The following RIMS2 variants were observed in gnomAD, a reference collection of about 807,000 sequenced individuals.
RIMS2 encodes the protein regulating synaptic membrane exocytosis 2.
In RIMS2, 59 loss-of-function variants were observed where a neutral mutation model predicts 174.4. The ratio of observed to expected loss-of-function variants is 0.34; its 90% CI spans 0.27 to 0.42. The LOEUF is 0.42. RIMS2 is among the 10% of genes least tolerant of loss of function. The pLI is 1.00. For synonymous variants in RIMS2, 606 were observed against 572.5 expected, an observed-to-expected ratio of 1.06 and a Z score of -0.84; for missense variants, 1,620 against 1,666.3, an observed-to-expected ratio of 0.97 and a Z score of 0.48.
chr8:104,165,509 G>T (rs1000981084), intron 19 of RIMS2, among the ~76,000 whole-genome samples: 1 of 151,522 alleles, frequency 6.6e-6, no homozygotes, highest in Non-Finnish European at 1.5e-5. Context: ...TGGAATATTC[G>T]TGTGTGTCAG....
chr8:104,063,629 T>A (rs1375036545), intron 19 of RIMS2, among the ~76,000 whole-genome samples: 2 of 152,208 alleles, frequency 1.3e-5, no homozygotes, highest in East Asian at 3.8e-4. Context: ...TTTCTAATTT[T>A]CTCCTGAAGT....
intron 1 of RIMS2, among the ~76,000 whole-genome samples, chr8:103,682,721 T>A (rs540489390): frequency 2.3e-4 from 35 of 152,252 alleles, no homozygotes; most frequent in East Asian, 5.8e-4. Flanking sequence ...TAAAATTTTT[T>A]AAAAAAATCT....
At chr8:103,734,823 C>T (rs1310501667) in intron 2 of RIMS2, among the ~76,000 whole-genome samples, 1 of 152,052 alleles carries the variant, frequency 6.6e-6, no homozygotes, top group East Asian at 1.9e-4. Context: ...TTCCCATGAT[C>T]ATCCCTTAGT....
At chr8:104,245,026 G>A (rs1306209889) in exon 20 of RIMS2, 2 of 1,613,854 alleles carry the variant, frequency 1.2e-6, no homozygotes, top group East Asian at 4.5e-5. Context: ...GTCTACAGAT[G>A]GTAGCATGAA....
intron 1 of RIMS2, among the ~76,000 whole-genome samples, chr8:103,691,990 C>G (rs2097031950): frequency 6.6e-6 from 1 of 152,148 alleles, no homozygotes; most frequent in African/African-American, 2.4e-5. Flanking sequence ...TGGAAGAATT[C>G]TCTGGATTGC....
At chr8:104,094,150 C>T (rs1414167328) in intron 19 of RIMS2, among the ~76,000 whole-genome samples, 1 of 151,752 alleles carries the variant, frequency 6.6e-6, no homozygotes, top group African/African-American at 2.4e-5. Flanking sequence ...TCTTACTTGT[C>T]CTATAGATTT....
At chr8:103,645,976 G>C (rs912169821) in intron 1 of RIMS2, among the ~76,000 whole-genome samples, 5 of 152,002 alleles carry the variant, frequency 3.3e-5, no homozygotes, top group Non-Finnish European at 5.9e-5. Context: ...GATACGGGTG[G>C]GGCTGTTTTA....
At chr8:104,208,593 G>T (rs745951166) in intron 19 of RIMS2, among the ~76,000 whole-genome samples, 3 of 151,064 alleles carry the variant, frequency 2.0e-5, no homozygotes, top group Non-Finnish European at 3.0e-5. Context: ...AAAAAATGAA[G>T]AATACTTTCT....
chr8:104,118,826 G>T (rs941015268), intron 19 of RIMS2, among the ~76,000 whole-genome samples: 16 of 152,122 alleles, frequency 1.1e-4, no homozygotes, highest in African/African-American at 3.6e-4. Flanking sequence ...TTTGCAGATG[G>T]CTGTCTTTTC....
chr8:103,827,256 C>G (rs925841526), intron 3 of RIMS2, among the ~76,000 whole-genome samples: 1 of 152,010 alleles, frequency 6.6e-6, no homozygotes, highest in African/African-American at 2.4e-5. Context: ...TTAAAAACTT[C>G]AATATCGAGT....
At chr8:103,714,358 C>T (rs902322135) in intron 2 of RIMS2, among the ~76,000 whole-genome samples, 1 of 152,082 alleles carries the variant, frequency 6.6e-6, no homozygotes, top group African/African-American at 2.4e-5. Context: ...ACTATACAGA[C>T]AGAATTTAAT....
intron 19 of RIMS2, among the ~76,000 whole-genome samples, chr8:104,145,551 C>T (rs999718186): frequency 4.0e-5 from 6 of 151,730 alleles, no homozygotes; most frequent in South Asian, 2.1e-4. Flanking sequence ...TGTGGCTGAG[C>T]GTGGTGGCTC....
rs200408676 is a variant in RIMS2, at chr8:103,886,109, G to A, written c.1510G>A (p.Gly504Ser). The change falls in exon 4 of 24, where the codon GGC (glycine) becomes AGC (serine). Residue 504 changes from glycine to serine, a missense_variant. Gly to Ser is a moderately conservative substitution (Grantham distance 56, BLOSUM62 0). Coordinates refer to ENST00000504942, the Ensembl canonical transcript of RIMS2. ...ACCAAAGCCTCATAAATCAAAGAAA[G>A]GCGGTAAAATGCGCCAGATTTCGTT... 1.4e-5 allele frequency: 23 copies of A among 1,613,018 alleles called. No homozygotes were observed. The African/African-American group carries it at 2.8e-4, about 20-fold the overall frequency.
intron 19 of RIMS2, among the ~76,000 whole-genome samples, chr8:104,139,756 TTTCTC>T (rs1009928542): frequency 6.6e-6 from 1 of 152,220 alleles, no homozygotes; most frequent in Admixed American, 6.5e-5. Context: ...CCTTTGTTTA[TTTCTC>T]TTGTCTGATT....
intron 1 of RIMS2, among the ~76,000 whole-genome samples, chr8:103,630,197 T>C (rs2095877694): frequency 6.7e-6 from 1 of 149,548 alleles, no homozygotes; most frequent in Non-Finnish European, 1.5e-5. Context: ...ATGCCTAACA[T>C]AGGAGTAATA....
In RIMS2 at chr8:103,632,731, ATT is replaced by A. The variant is rs61579273; in HGVS notation, c.177-64331_177-64330del. Among the ~76,000 whole-genome samples the A allele has an allele frequency of 9.0e-3, 631 of 70,358 alleles. 3 individuals carry two copies. The highest frequency in any genetic ancestry group is 0.032 in the African/African-American group (524 of 16,244). 46.2% of individuals were successfully genotyped at this position (70,358 alleles called of 152,430 possible). A position where few individuals can be genotyped will look rare whatever the true frequency, so the allele number is the denominator to read the frequency against. ...CCACTGCGCCCGGCCATATTTATTG[ATT>A]TTTTTTTTTTTTTTTTTTTTTTTGA... On this transcript the variant is annotated intron_variant, in intron 1 of 23. Coordinates refer to ENST00000504942, the Ensembl canonical transcript of RIMS2.
chr8:103,607,113 T>G (rs1298270169), intron 1 of RIMS2, among the ~76,000 whole-genome samples: 2 of 152,190 alleles, frequency 1.3e-5, no homozygotes, highest in Non-Finnish European at 1.5e-5. Flanking sequence ...TCTTTACATT[T>G]TGGCATGATT....
At chr8:103,537,678 C>A (rs1334560933) in intron 1 of RIMS2, among the ~76,000 whole-genome samples, 1 of 152,084 alleles carries the variant, frequency 6.6e-6, no homozygotes, top group Non-Finnish European at 1.5e-5. Context: ...CTGGCTTTAC[C>A]AAGTGATCAG....
chr8:103,995,211 C>A (rs1440355953), intron 17 of RIMS2, among the ~76,000 whole-genome samples: 1 of 151,984 alleles, frequency 6.6e-6, no homozygotes, highest in African/African-American at 2.4e-5. Flanking sequence ...TTTGATTTTA[C>A]TTTTTAGTGC....
Sources: gnomAD v4.1 joint callset for allele counts (sites outside exome capture counted in the v4.1 genomes callset) on GRCh38, gnomAD v4.1.1 for gene constraint, MANE v1.5 for transcripts, NCBI Gene and HGNC (gene_info 2026-07-23, HGNC 2026-07-21) for gene names.